The following TCERG1L variants were observed in gnomAD, a reference collection of about 807,000 sequenced individuals.
The protein encoded by TCERG1L is transcription elongation regulator 1 like.
A neutral mutation model predicts 56.3 loss-of-function variants in TCERG1L; 37 were observed. That is an observed-to-expected ratio of 0.66 (90% CI 0.51 to 0.87). TCERG1L has a LOEUF of 0.87. TCERG1L is among the 40% of genes least tolerant of loss of function. The pLI is 0.00. For synonymous variants in TCERG1L, 324 were observed against 326.3 expected, an observed-to-expected ratio of 0.99 and a Z score of 0.08; for missense variants, 799 against 774.2, an observed-to-expected ratio of 1.03 and a Z score of -0.38.
intron 4 of TCERG1L, among the ~76,000 whole-genome samples, chr10:131,231,468 G>T (rs1372606792): frequency 3.3e-5 from 5 of 152,270 alleles, no homozygotes; most frequent in African/African-American, 1.2e-4. Flanking sequence ...CCCTGGAGCC[G>T]GCTGGCATCC....
At chr10:131,296,340 T>G (rs1330907457) in intron 3 of TCERG1L, among the ~76,000 whole-genome samples, 1 of 152,252 alleles carries the variant, frequency 6.6e-6, no homozygotes, top group Non-Finnish European at 1.5e-5. Context: ...GACAGACAGA[T>G]GTTCACTTGT....
chr10:131,195,733 C>T (rs975382490), intron 4 of TCERG1L, among the ~76,000 whole-genome samples: 4 of 152,234 alleles, frequency 2.6e-5, no homozygotes, highest in Non-Finnish European at 5.9e-5. Flanking sequence ...ACCCTTCCCA[C>T]ACCCTTTTAT....
intron 10 of TCERG1L, among the ~76,000 whole-genome samples, chr10:131,102,808 C>A (rs1589774889): frequency 6.6e-6 from 1 of 152,148 alleles, no homozygotes; most frequent in Admixed American, 6.5e-5. Flanking sequence ...GATCCACGGG[C>A]CACACAAACC....
At chr10:131,142,602 C>T (rs1028114820) in intron 7 of TCERG1L, among the ~76,000 whole-genome samples, 2 of 152,222 alleles carry the variant, frequency 1.3e-5, no homozygotes, top group Non-Finnish European at 1.5e-5. Context: ...ACGGCTGCTG[C>T]AGCTGCTGCC....
intron 4 of TCERG1L, among the ~76,000 whole-genome samples, chr10:131,215,362 C>G (rs1589751321): frequency 6.6e-6 from 1 of 152,184 alleles, no homozygotes; most frequent in Non-Finnish European, 1.5e-5. Flanking sequence ...AACATATCAA[C>G]TGCTGAGAGG....
intron 4 of TCERG1L, among the ~76,000 whole-genome samples, chr10:131,193,602 G>T (rs1328027984): frequency 6.6e-6 from 1 of 152,324 alleles, no homozygotes; most frequent in South Asian, 2.1e-4. Context: ...GGAAAAGGGT[G>T]TCCTTTCTCC....
chr10:131,304,517 G>T (rs867588786), intron 3 of TCERG1L, among the ~76,000 whole-genome samples: 2 of 151,938 alleles, frequency 1.3e-5, no homozygotes, highest in Non-Finnish European at 2.9e-5. Context: ...CTGATGCACA[G>T]GCACTGCTGA....
chr10:131,286,308 C>G (rs942289634), intron 3 of TCERG1L, among the ~76,000 whole-genome samples: 1 of 152,160 alleles, frequency 6.6e-6, no homozygotes, highest in Non-Finnish European at 1.5e-5. Flanking sequence ...GTTAAGTGAA[C>G]TCTGATTCAT....
rs1846302388 is a variant in TCERG1L, at chr10:131,267,863, G to A, written c.671-7419C>T. The stretch of plus-strand genomic sequence containing the variant: ...CCAGGGCCTTGCCAGGCCCGTGCCA[G>A]AGTCGAGGGCAAGGGTGATGTTGCC... On this transcript the variant is annotated intron_variant, in intron 3 of 11. Coordinates refer to ENST00000368642, the MANE Select transcript of TCERG1L (RefSeq NM_174937.4). The surrounding 1 kb of genome is among the most constrained non-coding windows in gnomAD (Gnocchi z 4.9). 6.6e-6 allele frequency among the ~76,000 whole-genome samples: 1 copy of A among 152,222 alleles called. No homozygotes were observed. The highest frequency in any genetic ancestry group is 2.4e-5 in the African/African-American group (1 of 41,470).
intron 4 of TCERG1L, among the ~76,000 whole-genome samples, chr10:131,227,312 G>C (rs1274274855): frequency 6.6e-6 from 1 of 152,240 alleles, no homozygotes. Flanking sequence ...TCCTCCCAAA[G>C]CTGGGCTCGG....
At chr10:131,175,167 G>C (rs1315514860) in intron 4 of TCERG1L, among the ~76,000 whole-genome samples, 2 of 17,794 alleles carry the variant, frequency 1.1e-4, no homozygotes, top group African/African-American at 4.7e-4. Context: ...TCTGATGAAG[G>C]CAGGCTTCTG....
chr10:131,093,268 C>G lies in TCERG1L; in HGVS notation c.1655G>C (p.Arg552Pro), dbSNP rs147204742. ...CTGGTCCTTTCTTTTTTGAACAAGT[C>G]GGAACCTCTGATCCCGGCCGTATTT... is the stretch of plus-strand genomic sequence containing the variant. The part of the protein sequence containing the change: ...AEKYGRDQRF[R>P]LVQKRKDQEH... Residue 552 changes from arginine to proline, a missense_variant, in exon 12 of 12, where the codon CGA becomes CCA. Arg to Pro is a moderately radical substitution (Grantham distance 103, BLOSUM62 -2). Transcript: ENST00000368642. 1 of 1,613,920 alleles carries G rather than the reference C, an allele frequency of 6.2e-7. No individual in the cohort carries two copies. Among genetic ancestry groups the G allele is most frequent in the Non-Finnish European group, 8.5e-7 (1 of 1,179,854 alleles).
Position 131,311,305 on chromosome 10 carries a change from G to A in TCERG1L, c.331C>T (p.Leu111Phe). 1 of 1,206,588 alleles carries A rather than the reference G, an allele frequency of 8.3e-7. No homozygotes were observed. The highest frequency in any genetic ancestry group is 4.1e-5 in the South Asian group (1 of 24,188). The allele number at this position is 1,206,588 out of a possible 1,614,324, so 74.7% of individuals were successfully genotyped here. A position where few individuals can be genotyped will look rare whatever the true frequency, so the allele number is the denominator to read the frequency against. ...CGGGGACACGTTACCTGCCCGTGGA[G>A]CGCGGGGAAGGGGTGCGCGGCGGCG... ...AAAAAHPFPA[L>F]HGQWLFGGHS... The change falls in exon 1 of 12, where the codon CTC becomes TTC. Residue 111 changes from leucine to phenylalanine, a missense_variant. By Grantham distance (22) the Leu-to-Phe change is conservative. Coordinates refer to ENST00000368642, the MANE Select transcript of TCERG1L (RefSeq NM_174937.4). This position sits in a 1 kb window ranked among gnomAD's most constrained non-coding sequence, Gnocchi z 4.0.
intron 4 of TCERG1L, among the ~76,000 whole-genome samples, chr10:131,189,972 A>G (rs1845287312): frequency 6.6e-6 from 1 of 152,240 alleles, no homozygotes; most frequent in African/African-American, 2.4e-5. Context: ...ACAAAAGACC[A>G]ATGAAACAAA....
chr10:131,254,015 G>A (rs1319242836), intron 4 of TCERG1L, among the ~76,000 whole-genome samples: 1 of 152,192 alleles, frequency 6.6e-6, no homozygotes, highest in African/African-American at 2.4e-5. Flanking sequence ...ACTTCAGGAT[G>A]GGAGGACTCG....
intron 4 of TCERG1L, among the ~76,000 whole-genome samples, chr10:131,205,026 T>C (rs1845501823): frequency 6.6e-6 from 1 of 152,132 alleles, no homozygotes; most frequent in Non-Finnish European, 1.5e-5. Flanking sequence ...CACCCGGCTC[T>C]TTCTGGGGCT....
intron 4 of TCERG1L, among the ~76,000 whole-genome samples, chr10:131,256,992 G>GGAAAGGAAGAAAGAAA (rs1846173458): frequency 3.4e-5 from 2 of 59,214 alleles, no homozygotes; most frequent in African/African-American, 1.1e-4. Flanking sequence ...AAGGAAGGAA[G>GGAAAGGAAGAAAGAAA]GAAAGAAAGA....
chr10:131,129,410 G>A (rs1293427276), intron 8 of TCERG1L, among the ~76,000 whole-genome samples: 1 of 152,192 alleles, frequency 6.6e-6, no homozygotes, highest in African/African-American at 2.4e-5. Context: ...CTAATCTAGA[G>A]GGGCACTGAC....
chr10:131,281,355 A>C (rs1295901058), intron 3 of TCERG1L, among the ~76,000 whole-genome samples: 1 of 152,138 alleles, frequency 6.6e-6, no homozygotes, highest in Non-Finnish European at 1.5e-5. Flanking sequence ...ACAGATCACC[A>C]ATGCACATGG....
Sources: allele counts gnomAD v4.1 joint callset (sites outside exome capture counted in the v4.1 genomes callset), GRCh38; gene constraint gnomAD v4.1.1; non-coding constraint Gnocchi (gnomAD v3.1); transcripts MANE v1.5; gene names NCBI Gene and HGNC (gene_info 2026-07-23, HGNC 2026-07-21).